Variants in GPATCH8 observed in about 807,000 individuals in gnomAD.
GPATCH8 encodes the protein G-patch domain containing 8, also known as G patch domain-containing protein 8.
A neutral mutation model predicts 118.3 loss-of-function variants in GPATCH8; 18 were observed. The observed-to-expected ratio is 0.15, with a 90% CI of 0.11 to 0.23. GPATCH8 has a LOEUF of 0.23. Ranked by LOEUF, GPATCH8 falls within the 10% of genes least tolerant of loss-of-function variation. GPATCH8 has a pLI of 1.00. For synonymous variants in GPATCH8, 659 were observed against 684.7 expected (o/e 0.96, Z 0.59); for missense variants, 1,631 against 1,873.8 (o/e 0.87, Z 2.39).
At chr17:44,414,442 G>A (rs1461544587) in intron 6 of GPATCH8, among the ~76,000 whole-genome samples, 1 of 151,854 alleles carries the variant, frequency 6.6e-6, no homozygotes, top group Non-Finnish European at 1.5e-5. Flanking sequence ...CAAACAGCAG[G>A]GACTACAGAT....
At chr17:44,482,386 A>G (rs1968321951) in intron 1 of GPATCH8, among the ~76,000 whole-genome samples, 2 of 151,948 alleles carry the variant, frequency 1.3e-5, no homozygotes, top group Admixed American at 1.3e-4. Context: ...AGCCTGGCCA[A>G]CATGGTGAAA....
intron 3 of GPATCH8, among the ~76,000 whole-genome samples, chr17:44,445,413 C>T (rs1175406035): frequency 6.6e-6 from 1 of 152,080 alleles, no homozygotes; most frequent in Non-Finnish European, 1.5e-5. Context: ...AAATTAATGG[C>T]TTCCTTCAAG....
intron 3 of GPATCH8, among the ~76,000 whole-genome samples, chr17:44,448,336 C>T (rs1021594779): frequency 2.6e-5 from 4 of 151,516 alleles, no homozygotes; most frequent in African/African-American, 9.7e-5. Context: ...GGCAGGATGA[C>T]AGCTTGAGCC....
intron 6 of GPATCH8, chr17:44,407,201 T>C (rs1386876015): frequency 6.6e-6 from 1 of 151,884 alleles, no homozygotes; most frequent in Non-Finnish European, 1.5e-5. Context: ...CTAAAGACAC[T>C]AGTAGAAAAA....
intron 3 of GPATCH8, among the ~76,000 whole-genome samples, chr17:44,442,108 CA>C (rs1305926353): frequency 6.6e-5 from 9 of 136,578 alleles, no homozygotes; most frequent in African/African-American, 2.5e-4. Flanking sequence ...TATATATATA[CA>C]TATATATATA....
chr17:44,433,017 T>C (rs1411374328), intron 5 of GPATCH8, among the ~76,000 whole-genome samples: 2 of 152,172 alleles, frequency 1.3e-5, no homozygotes, highest in Non-Finnish European at 1.5e-5. Flanking sequence ...ATTTTTTTTC[T>C]TTTTTCTTTT....
At chr17:44,446,952 A>G (rs980973145) in intron 3 of GPATCH8, among the ~76,000 whole-genome samples, 4 of 151,810 alleles carry the variant, frequency 2.6e-5, no homozygotes, top group Non-Finnish European at 4.4e-5. Flanking sequence ...CTCCTGCCTC[A>G]GTCTCCTGAG....
At chr17:44,450,266 A>C (rs2051064397) in intron 3 of GPATCH8, among the ~76,000 whole-genome samples, 1 of 152,238 alleles carries the variant, frequency 6.6e-6, no homozygotes, top group Non-Finnish European at 1.5e-5. Flanking sequence ...CATTTCACAG[A>C]AAAGGAATCT....
At chr17:44,482,085 C>G (rs761071613) in intron 1 of GPATCH8, among the ~76,000 whole-genome samples, 17 of 152,056 alleles carry the variant, frequency 1.1e-4, no homozygotes, top group Non-Finnish European at 1.5e-4. Flanking sequence ...GTCGCCACTG[C>G]ACTCCAGCCT....
chr17:44,437,648 T>C lies in GPATCH8; in HGVS notation c.194-1103A>G, dbSNP rs527953595. ...TTAGGCTAAATCTGAGGCATTACCC[T>C]CCCAACCCCAAAAAAAACTTTTTAA... On this transcript the variant is annotated intron_variant, in intron 3 of 7. Transcript: ENST00000591680. Among the ~76,000 whole-genome samples the C allele has an allele frequency of 1.2e-4, 16 of 135,538 alleles. No homozygotes were observed. In the East Asian group the frequency reaches 2.0e-3, roughly 17 times the overall value. The allele number at this position is 135,538 out of a possible 152,430, so 88.9% of individuals were successfully genotyped here. A position where few individuals can be genotyped will look rare whatever the true frequency, so the allele number is the denominator to read the frequency against.
intron 5 of GPATCH8, among the ~76,000 whole-genome samples, chr17:44,431,111 C>T (rs1223603035): frequency 6.6e-6 from 1 of 151,710 alleles, no homozygotes; most frequent in East Asian, 1.9e-4. Context: ...TGGCTCACGC[C>T]TGTAATCCCA....
chr17:44,452,969 A>C (rs185166404), intron 3 of GPATCH8, among the ~76,000 whole-genome samples: 70 of 152,192 alleles, frequency 4.6e-4, no homozygotes, highest in Non-Finnish European at 7.5e-4. Context: ...CTGGGACTAC[A>C]GGCACATGCC....
intron 1 of GPATCH8, among the ~76,000 whole-genome samples, chr17:44,490,299 C>T (rs527431116): frequency 1.3e-3 from 199 of 151,892 alleles, no homozygotes; most frequent in African/African-American, 4.3e-3. Context: ...CAGAGCAAGA[C>T]CTTGTCTTAG....
Position 44,397,348 on chromosome 17 carries a change from G to C in GPATCH8, c.*220C>G. ...CCCTAGCTTAGAAACACAGAAGAGG[G>C]AGGGACAAATTGAGAGGAGGACAGG... On this transcript the variant is annotated 3_prime_UTR_variant, in exon 8 of 8. Transcript: ENST00000591680. 3 of 681,564 alleles carry C rather than the reference G, an allele frequency of 4.4e-6. No homozygotes were observed. The highest frequency in any genetic ancestry group is 8.1e-6 in the Non-Finnish European group (3 of 372,670). The allele number at this position is 681,564 out of a possible 1,614,324, so 42.2% of individuals were successfully genotyped here.
At chr17:44,445,427 C>T (rs984374458) in intron 3 of GPATCH8, among the ~76,000 whole-genome samples, 1 of 151,994 alleles carries the variant, frequency 6.6e-6, no homozygotes, top group East Asian at 1.9e-4. Context: ...CTTCAAGTAC[C>T]CAGTACACTC....
chr17:44,406,094 A>G (rs750410345), intron 6 of GPATCH8, 43 bp from the exon 7 acceptor site: 4 of 1,492,578 alleles, frequency 2.7e-6, no homozygotes, highest in Admixed American at 3.3e-5. Flanking sequence ...GATGATTTAC[A>G]GTAACTTGGG....
intron 6 of GPATCH8, 127 bp from the exon 7 acceptor site, chr17:44,406,178 A>G (rs2049213492): frequency 2.7e-6 from 2 of 732,614 alleles, no homozygotes; most frequent in Non-Finnish European, 4.9e-6. Flanking sequence ...ACATTATCAT[A>G]TTCTCTTATG....
rs376437315 is a variant in GPATCH8 at position 44,398,613 on chromosome 17, C to T, written c.3464G>A (p.Arg1155Gln). 12 of 1,547,156 alleles carry T rather than the reference C, an allele frequency of 7.8e-6. No homozygotes were observed. Among genetic ancestry groups the T allele is most frequent in the African/African-American group, 4.1e-5 (3 of 72,616 alleles). ...CTCTTCACACTTCTTATTGGGCTTTCGGGTAGCTGGGAGCTTCCCTATCAG... is the reference window on the plus strand; with the variant it reads ...CTCTTCACACTTCTTATTGGGCTTTTGGGTAGCTGGGAGCTTCCCTATCAG... The part of the protein sequence containing the change: ...LPLIGKLPAT[R>Q]KPNKKCEESG... Residue 1155 changes from arginine (R) to glutamine (Q), a missense_variant, in exon 8 of 8, where the codon CGA becomes CAA. Physicochemically the swap from Arg to Gln is conservative, Grantham distance 43. Around this residue, in one of 8 missense-constraint regions of GPATCH8, gnomAD observed 922 missense variants for 879.7 expected, o/e 1.05. Coordinates refer to ENST00000591680, the MANE Select transcript of GPATCH8 (RefSeq NM_001002909.4).
chr17:44,446,075 G>A (rs2050868002), intron 3 of GPATCH8, among the ~76,000 whole-genome samples: 1 of 151,626 alleles, frequency 6.6e-6, no homozygotes, highest in African/African-American at 2.4e-5. Context: ...AAGTAGCTAG[G>A]ACTACAGGCA....
Sources: gnomAD v4.1 joint callset for allele counts (sites outside exome capture counted in the v4.1 genomes callset) on GRCh38, gnomAD v4.1.1 for gene constraint, gnomAD v4.1.1 regional missense constraint, MANE v1.5 for transcripts, NCBI Gene and HGNC (gene_info 2026-07-23, HGNC 2026-07-21) for gene names.